RFX7: variants seen among roughly 807,000 people sequenced by gnomAD.
RFX7 encodes DNA-binding protein RFX7.
RFX7 carries 26 observed loss-of-function variants against 111.8 expected under a neutral mutation model. The ratio of observed to expected loss-of-function variants is 0.23; its 90% CI spans 0.17 to 0.32. RFX7 has a LOEUF of 0.32. Among genes scored for constraint, RFX7 ranks in the 10% least tolerant of loss-of-function variants. The probability of loss-of-function intolerance (pLI) is 1.00; values close to 1 mark genes in which losing one functional copy is unlikely to be tolerated. For synonymous variants in RFX7, 624 were observed against 624.4 expected (o/e 1.00, Z 0.01); for missense variants, 1,573 against 1,772.9 (o/e 0.89, Z 2.02).
intron 2 of RFX7, among the ~76,000 whole-genome samples, chr15:56,235,914 T>G (rs1377626798): frequency 1.3e-5 from 2 of 152,220 alleles, no homozygotes; most frequent in Non-Finnish European, 2.9e-5. Context: ...GACATGGTAG[T>G]GTGTACCATA....
At chr15:56,144,904 T>C (rs1481815857) in intron 3 of RFX7, among the ~76,000 whole-genome samples, 4 of 152,206 alleles carry the variant, frequency 2.6e-5, no homozygotes, top group African/African-American at 9.6e-5. Flanking sequence ...TCTGTAGAAC[T>C]ATAAAATGAA....
In RFX7 at chr15:56,088,793, TA is replaced by T. The variant is rs1162902224; in HGVS notation, c.*4551del. 7.2e-5 allele frequency: 11 copies of T among 152,286 alleles called. No homozygotes were observed. The highest frequency in any genetic ancestry group is 1.2e-4 in the Non-Finnish European group (8 of 68,020). The allele number at this position is 152,286 out of a possible 1,614,324, so 9.4% of individuals were successfully genotyped here. On this transcript the variant is annotated 3_prime_UTR_variant, in exon 10 of 10. Transcript: ENST00000559447. ...CAATAATACCTGATTTTTCAGCTCA[TA>T]GGGGGAAGGCAAGATACCAGTTAAC...
chr15:56,224,795 T>A (rs1212330211), intron 2 of RFX7, among the ~76,000 whole-genome samples: 1 of 152,070 alleles, frequency 6.6e-6, no homozygotes, highest in Non-Finnish European at 1.5e-5. Flanking sequence ...AGAAGTTCAT[T>A]TCTATTTTGT....
rs191584724 is a variant in RFX7, at chr15:56,098,422, T to C, written c.812-46A>G. The C allele has an allele frequency of 3.0e-5, 45 of 1,509,298 alleles. No homozygotes were observed. The African/African-American group carries it at 5.8e-4, about 19-fold the overall frequency. 93.5% of individuals were successfully genotyped at this position (1,509,298 alleles called of 1,614,324 possible). A position where few individuals can be genotyped will look rare whatever the true frequency, so the allele number is the denominator to read the frequency against. On this transcript the variant is annotated intron_variant, in intron 8 of 9. Coordinates refer to ENST00000559447, the MANE Select transcript of RFX7 (RefSeq NM_022841.7). Reference sequence around the variant, plus strand: ...AAGCTGCAATAAATACTCTCCTTTATAGAAGGGAGGTTCCTTTGAATTTCT... The same window carrying C: ...AAGCTGCAATAAATACTCTCCTTTACAGAAGGGAGGTTCCTTTGAATTTCT...
chr15:56,241,720 T>TCA lies in RFX7; in HGVS notation c.161+1403_161+1404dup, dbSNP rs35506687. On this transcript the variant is annotated intron_variant, in intron 2 of 9. Transcript: ENST00000559447. Reference sequence around the variant, plus strand: ...ATTGAAGAATAAAGCCTGCTTTCTGTCACACACACACACACACACCCCAAT... The same window carrying TCA: ...ATTGAAGAATAAAGCCTGCTTTCTGTCACACACACACACACACACACCCCAAT... Among the ~76,000 whole-genome samples, 379 of 150,862 alleles carry TCA rather than the reference T, an allele frequency of 2.5e-3. 1 individual carries two copies. Among genetic ancestry groups the TCA allele is most frequent in the South Asian group, 9.4e-3 (45 of 4,782 alleles).
chr15:56,119,201 A>G (rs577111782), intron 5 of RFX7, among the ~76,000 whole-genome samples: 14 of 152,238 alleles, frequency 9.2e-5, no homozygotes, highest in African/African-American at 3.4e-4. Flanking sequence ...ATGTGATCCC[A>G]TCTGTCCACT....
At chr15:56,132,633 T>A (rs1305646625) in intron 5 of RFX7, among the ~76,000 whole-genome samples, 4 of 150,712 alleles carry the variant, frequency 2.7e-5, no homozygotes, top group African/African-American at 9.8e-5. Flanking sequence ...TGGCATGGAG[T>A]TTTTTCTAAG....
At chr15:56,191,213 T>G (rs2043097738) in intron 2 of RFX7, among the ~76,000 whole-genome samples, 1 of 152,252 alleles carries the variant, frequency 6.6e-6, no homozygotes, top group Non-Finnish European at 1.5e-5. Context: ...TTTGTTAGCA[T>G]GTTTTGTAAT....
intron 2 of RFX7, among the ~76,000 whole-genome samples, chr15:56,228,177 A>G (rs946040535): frequency 1.3e-5 from 2 of 151,716 alleles, no homozygotes; most frequent in Non-Finnish European, 2.9e-5. Context: ...ATGCCTAGGC[A>G]TATTTTTTTT....
chr15:56,127,893 TAAA>T (rs1205111999), intron 5 of RFX7, among the ~76,000 whole-genome samples: 1 of 138,870 alleles, frequency 7.2e-6, no homozygotes, highest in Admixed American at 7.2e-5. Flanking sequence ...TGTCCAAGTT[TAAA>T]AAAAAAAAAA....
chr15:56,167,771 T>A (rs1488408782), intron 3 of RFX7, among the ~76,000 whole-genome samples: 1 of 152,204 alleles, frequency 6.6e-6, no homozygotes, highest in African/African-American at 2.4e-5. Flanking sequence ...TTACTTCTAG[T>A]AGATTTCATA....
At chr15:56,143,023 T>G in intron 4 of RFX7, 123 bp from the exon 5 acceptor site, 6 of 975,670 alleles carry the variant, frequency 6.1e-6, no homozygotes, top group African/African-American at 1.6e-5. Flanking sequence ...AAACCAAACT[T>G]AGGACATCTA....
Position 56,094,369 on chromosome 15 carries a change from C to T in RFX7, c.3359G>A (p.Arg1120His), listed in dbSNP as rs759572724. 5.0e-6 allele frequency: 8 copies of T among 1,613,804 alleles called. No individual in the cohort carries two copies. In the South Asian group the frequency reaches 5.5e-5, roughly 11 times the overall value. ...CTGCACAGGAGAGACAGGAGTCAAACGACCAAAATGAGTGTCATGATGTCT... is the reference window on the plus strand; with the variant it reads ...CTGCACAGGAGAGACAGGAGTCAAATGACCAAAATGAGTGTCATGATGTCT... Reference protein sequence around the residue: ...QSRHHDTHFGRLTPVSPVQHQ... With the variant: ...QSRHHDTHFGHLTPVSPVQHQ... Residue 1120 changes from arginine (R) to histidine (H), a missense_variant, in exon 10 of 10, where the codon CGT becomes CAT. This residue lies in a region of RFX7 where 411 missense variants were observed against 478.1 expected (regional missense o/e 0.86). Transcript: ENST00000559447.
At chr15:56,106,380 A>C (rs2041830063) in intron 5 of RFX7, among the ~76,000 whole-genome samples, 1 of 152,240 alleles carries the variant, frequency 6.6e-6, no homozygotes, top group Non-Finnish European at 1.5e-5. Context: ...GAATCATGTC[A>C]GAAGAAAACT....
chr15:56,153,825 T>G (rs1360104367), intron 3 of RFX7, among the ~76,000 whole-genome samples: 1 of 152,140 alleles, frequency 6.6e-6, no homozygotes, highest in Non-Finnish European at 1.5e-5. Context: ...TAAAGGGTAT[T>G]CAAATAGGAA....
intron 2 of RFX7, among the ~76,000 whole-genome samples, chr15:56,233,131 C>T (rs1436308668): frequency 6.6e-6 from 1 of 152,096 alleles, no homozygotes; most frequent in Non-Finnish European, 1.5e-5. Context: ...AAGACATACC[C>T]GAGACTGGGT....
intron 5 of RFX7, among the ~76,000 whole-genome samples, chr15:56,106,447 G>A (rs2041830628): frequency 6.6e-6 from 1 of 152,044 alleles, no homozygotes; most frequent in Admixed American, 6.6e-5. Context: ...AAATAAAGAG[G>A]GCATCAATGT....
chr15:56,238,087 T>G (rs2043645044), intron 2 of RFX7, among the ~76,000 whole-genome samples: 1 of 152,186 alleles, frequency 6.6e-6, no homozygotes, highest in African/African-American at 2.4e-5. Context: ...ATAGTACATG[T>G]TTTCCACTGT....
At chr15:56,207,529 A>T (rs1034710407) in intron 2 of RFX7, among the ~76,000 whole-genome samples, 1 of 152,240 alleles carries the variant, frequency 6.6e-6, no homozygotes. Context: ...AAAATGGATC[A>T]CAGACTTAAA....
Sources: allele counts gnomAD v4.1 joint callset (sites outside exome capture counted in the v4.1 genomes callset), GRCh38; gene constraint gnomAD v4.1.1; regional missense constraint gnomAD v4.1.1; transcripts MANE v1.5; gene names NCBI Gene and HGNC (gene_info 2026-07-23, HGNC 2026-07-21).